ARNT2: variants seen among roughly 807,000 people sequenced by gnomAD.
ARNT2 encodes ARNT protein 2.
A neutral mutation model predicts 91.7 loss-of-function variants in ARNT2; 36 were observed. The observed-to-expected ratio is 0.39, with a 90% CI of 0.30 to 0.52. The LOEUF is 0.52. Among genes scored for constraint, ARNT2 ranks in the 20% least tolerant of loss-of-function variants. The pLI is 0.72. For missense variants in ARNT2, 775 were observed against 939.3 expected (o/e 0.83, Z 2.29); for synonymous variants, 365 against 347.1 (o/e 1.05, Z -0.57).
At chr15:80,497,526 C>A (rs573180830) in intron 5 of ARNT2, among the ~76,000 whole-genome samples, 12 of 152,342 alleles carry the variant, frequency 7.9e-5, no homozygotes, top group Non-Finnish European at 1.6e-4. Flanking sequence ...AATAGCCCAG[C>A]CCAGACAACA....
chr15:80,505,919 C>G (rs1002702803), intron 5 of ARNT2, among the ~76,000 whole-genome samples: 4 of 106,134 alleles, frequency 3.8e-5, no homozygotes, highest in Non-Finnish European at 7.7e-5. Context: ...TGATTCCCAA[C>G]ATTTGTTGTT....
At chr15:80,528,095 C>T (rs756508389) in intron 8 of ARNT2, among the ~76,000 whole-genome samples, 11 of 152,118 alleles carry the variant, frequency 7.2e-5, no homozygotes, top group South Asian at 6.2e-4. Context: ...GCTGTGAGGC[C>T]GAACTAGGGC....
In ARNT2 at chr15:80,491,265, G is replaced by C. The variant is rs183131270; in HGVS notation, c.622+16042G>C. On this transcript the variant is annotated intron_variant, in intron 5 of 18. Coordinates refer to ENST00000303329, the MANE Select transcript of ARNT2 (RefSeq NM_014862.4). ...ATGGCCTTACAGTTCCACATGGCTGGGGAGGCCTCACAATCATGGCAGAAG... is the reference window on the plus strand; with the variant it reads ...ATGGCCTTACAGTTCCACATGGCTGCGGAGGCCTCACAATCATGGCAGAAG... Among the ~76,000 whole-genome samples the C allele has an allele frequency of 2.5e-3, 385 of 152,284 alleles. 1 individual carries two copies. The highest frequency in any genetic ancestry group is 0.01 in the Middle Eastern group (3 of 294).
intron 11 of ARNT2, among the ~76,000 whole-genome samples, chr15:80,558,849 C>T (rs1898256461): frequency 6.6e-6 from 1 of 152,156 alleles, no homozygotes; most frequent in South Asian, 2.1e-4. Flanking sequence ...ATAAACTTTG[C>T]ATCGTTTAGC....
At chr15:80,574,263 G>T (rs758206436) in intron 13 of ARNT2, 43 bp downstream of exon 13, 3 of 1,580,594 alleles carry the variant, frequency 1.9e-6, no homozygotes, top group East Asian at 4.5e-5. Flanking sequence ...ATTGTCTCCA[G>T]CCCAATGGAC....
chr15:80,550,274 G>A (rs557561728), intron 8 of ARNT2, among the ~76,000 whole-genome samples: 2 of 152,310 alleles, frequency 1.3e-5, no homozygotes, highest in South Asian at 4.1e-4. Context: ...GTAGTGTAGT[G>A]AGAGTGACAT....
At chr15:80,578,166 AAG>A (rs1342177899) in intron 15 of ARNT2, among the ~76,000 whole-genome samples, 16 of 152,122 alleles carry the variant, frequency 1.1e-4, no homozygotes, top group Admixed American at 6.5e-4. Flanking sequence ...ACTCTGGACA[AAG>A]GGGATCAGGG....
chr15:80,564,568 G>T (rs923425915), intron 12 of ARNT2, among the ~76,000 whole-genome samples: 1 of 152,032 alleles, frequency 6.6e-6, no homozygotes, highest in Admixed American at 6.5e-5. Flanking sequence ...ACATATGCAG[G>T]TTTGTTACAT....
intron 12 of ARNT2, among the ~76,000 whole-genome samples, chr15:80,569,764 T>C (rs181905459): frequency 2.0e-5 from 3 of 152,356 alleles, no homozygotes; most frequent in Non-Finnish European, 2.9e-5. Context: ...TTTATCCACA[T>C]TAGAAACATG....
intron 3 of ARNT2, among the ~76,000 whole-genome samples, chr15:80,465,303 C>G (rs1004511251): frequency 1.3e-5 from 2 of 152,160 alleles, no homozygotes; most frequent in African/African-American, 4.8e-5. Flanking sequence ...GGCCTGTTTC[C>G]AAGCCCGATG....
chr15:80,434,436 A>T (rs1896056382), intron 1 of ARNT2: 1 of 152,226 alleles, frequency 6.6e-6, no homozygotes, highest in Admixed American at 6.5e-5. Flanking sequence ...CGTTTGCTTC[A>T]TTGCCATTAA....
At chr15:80,564,731 G>A (rs1267069333) in intron 12 of ARNT2, among the ~76,000 whole-genome samples, 3 of 108,502 alleles carry the variant, frequency 2.8e-5, no homozygotes, top group Non-Finnish European at 5.1e-5. Flanking sequence ...CCATCTTTAT[G>A]TCTGTGAGTA....
chr15:80,495,391 T>A (rs1484378471), intron 5 of ARNT2, among the ~76,000 whole-genome samples: 5 of 152,242 alleles, frequency 3.3e-5, no homozygotes, highest in Non-Finnish European at 7.3e-5. Flanking sequence ...GTCTCTCTTT[T>A]CCTGAATGTT....
intron 1 of ARNT2, among the ~76,000 whole-genome samples, chr15:80,441,819 T>C (rs945511713): frequency 6.6e-6 from 1 of 152,358 alleles, no homozygotes; most frequent in East Asian, 1.9e-4. Context: ...AAGCCAGATA[T>C]GTTTTCTGTG....
intron 12 of ARNT2, among the ~76,000 whole-genome samples, chr15:80,564,160 G>A (rs908222195): frequency 2.6e-5 from 4 of 152,166 alleles, no homozygotes; most frequent in Non-Finnish European, 5.9e-5. Flanking sequence ...TCTCACCATC[G>A]TAGTCAGTGG....
At chr15:80,475,277 G>A (rs751489146) in intron 5 of ARNT2, 54 bp downstream of exon 5, 199 of 1,584,604 alleles carry the variant, frequency 1.3e-4, no homozygotes, top group Non-Finnish European at 1.7e-4. Flanking sequence ...ATTCTTGGCT[G>A]GGCATGGTGG....
intron 6 of ARNT2, among the ~76,000 whole-genome samples, chr15:80,513,550 C>T (rs1203161103): frequency 6.6e-6 from 1 of 151,952 alleles, no homozygotes; most frequent in Non-Finnish European, 1.5e-5. Context: ...CTGTCATCAC[C>T]CTCTTCCCTT....
intron 5 of ARNT2, among the ~76,000 whole-genome samples, chr15:80,480,248 A>G (rs1896865519): frequency 6.6e-6 from 1 of 152,142 alleles, no homozygotes; most frequent in Non-Finnish European, 1.5e-5. Context: ...GGCCCAGGGC[A>G]TTCCAGGTGA....
At chr15:80,473,825 G>A (rs1896764955) in intron 4 of ARNT2, among the ~76,000 whole-genome samples, 1 of 152,136 alleles carries the variant, frequency 6.6e-6, no homozygotes, top group African/African-American at 2.4e-5. Context: ...GGGATTTGGG[G>A]CGCCAGACTC....
Sources: gnomAD v4.1 joint callset for allele counts (sites outside exome capture counted in the v4.1 genomes callset) on GRCh38, gnomAD v4.1.1 for gene constraint, MANE v1.5 for transcripts, NCBI Gene and HGNC (gene_info 2026-07-23, HGNC 2026-07-21) for gene names.